TENM3: variants seen among roughly 807,000 people sequenced by gnomAD.
The protein encoded by TENM3 is teneurin transmembrane protein 3.
Under a neutral mutation model 255.1 loss-of-function variants are expected in TENM3, and 63 were observed. That is an observed-to-expected ratio of 0.25 (90% CI 0.20 to 0.30). The LOEUF (loss-of-function observed/expected upper bound fraction) is 0.30. Ranked by LOEUF, TENM3 falls within the 10% of genes least tolerant of loss-of-function variation. TENM3 has a pLI of 1.00. For missense variants in TENM3, 2,929 were observed against 3,461.1 expected (o/e 0.85, Z 3.86); for synonymous variants, 1,306 against 1,322.3 (o/e 0.99, Z 0.27).
chr4:182,783,429 T>C (rs1765347131), intron 24 of TENM3, among the ~76,000 whole-genome samples: 2 of 152,242 alleles, frequency 1.3e-5, no homozygotes, highest in South Asian at 4.1e-4. Flanking sequence ...AGATCCGCTA[T>C]TAGTCTGATG....
intron 3 of TENM3, among the ~76,000 whole-genome samples, chr4:182,590,481 T>G (rs538325125): frequency 7.4e-5 from 8 of 108,842 alleles, no homozygotes; most frequent in African/African-American, 2.9e-4. Context: ...CTACAAACAA[T>G]ACAAAAATTA....
the TENM3 span, among the ~76,000 whole-genome samples, chr4:181,877,751 G>A: frequency 6.6e-6 from 1 of 152,148 alleles, no homozygotes; most frequent in African/African-American, 2.4e-5. Context: ...ACAAAGAAGG[G>A]TGCCAGCCCT....
chr4:182,426,007 C>CAAAAAAAAAAAAAAAAAAAAAAAA lies in TENM3; in HGVS notation c.511+79101_511+79102insAAAAAAAAAAAAAAAAAAAAAAAA, dbSNP rs55836889. Among the ~76,000 whole-genome samples the CAAAAAAAAAAAAAAAAAAAAAAAA allele has an allele frequency of 1.9e-3, 171 of 90,694 alleles. 6 individuals are homozygous for CAAAAAAAAAAAAAAAAAAAAAAAA. Among genetic ancestry groups the CAAAAAAAAAAAAAAAAAAAAAAAA allele is most frequent in the Non-Finnish European group, 2.3e-3 (106 of 45,358 alleles). The allele number at this position is 90,694 out of a possible 152,430, so 59.5% of individuals were successfully genotyped here. On this transcript the variant is annotated intron_variant, in intron 3 of 27. Transcript: ENST00000511685. The stretch of plus-strand genomic sequence containing the variant: ...TAAGAGACAGAGCGAGAGTCCATGT[C>CAAAAAAAAAAAAAAAAAAAAAAAA]AAAAAAAAAAAAAAAAAAAAAAACA...
At chr4:181,608,185 A>C in the TENM3 span, among the ~76,000 whole-genome samples, 1 of 152,218 alleles carries the variant, frequency 6.6e-6, no homozygotes, top group Non-Finnish European at 1.5e-5. Flanking sequence ...CTTGCCTAAG[A>C]GGGAGAGAGC....
At chr4:181,641,520 T>G in the TENM3 span, among the ~76,000 whole-genome samples, 1 of 132,664 alleles carries the variant, frequency 7.5e-6, no homozygotes, top group Non-Finnish European at 1.6e-5. Context: ...AACTCATCCT[T>G]TTTTGTGGCT....
At chr4:182,473,630 G>A (rs549409868) in intron 3 of TENM3, among the ~76,000 whole-genome samples, 20 of 152,176 alleles carry the variant, frequency 1.3e-4, no homozygotes, top group Non-Finnish European at 2.1e-4. Flanking sequence ...CCGAGATCGC[G>A]CCGCTGCACT....
chr4:181,982,414 GA>G, the TENM3 span, among the ~76,000 whole-genome samples: 1 of 152,146 alleles, frequency 6.6e-6, no homozygotes, highest in South Asian at 2.1e-4. Context: ...TATTGAAAAT[GA>G]AGGTAACTTT....
At chr4:182,228,390 GTGTA>G (rs1756337862) in intron 1 of TENM3, among the ~76,000 whole-genome samples, 1 of 86,874 alleles carries the variant, frequency 1.2e-5, no homozygotes, top group African/African-American at 5.1e-5. Flanking sequence ...GTGTGTGTGT[GTGTA>G]TATGTAATCC....
chr4:181,512,524 C>G, the TENM3 span, among the ~76,000 whole-genome samples: 1 of 152,152 alleles, frequency 6.6e-6, no homozygotes, highest in Non-Finnish European at 1.5e-5. Flanking sequence ...AGCTCAGCTC[C>G]AGTTTCCTCC....
the TENM3 span, among the ~76,000 whole-genome samples, chr4:181,620,564 T>C: frequency 1.3e-5 from 2 of 151,242 alleles, no homozygotes; most frequent in Admixed American, 1.3e-4. Context: ...GGAAATGAAC[T>C]CTCAATGTTT....
the TENM3 span, among the ~76,000 whole-genome samples, chr4:181,813,000 AC>A: frequency 6.6e-6 from 1 of 152,092 alleles, no homozygotes; most frequent in Non-Finnish European, 1.5e-5. Context: ...CTTGAAGATA[AC>A]CTCTTAGTGT....
chr4:181,626,345 T>C, the TENM3 span, among the ~76,000 whole-genome samples: 1 of 152,172 alleles, frequency 6.6e-6, no homozygotes, highest in Admixed American at 6.5e-5. Flanking sequence ...ACTGTGTTGG[T>C]CCATTTTTGC....
At chr4:181,605,568 A>AAGAGAGAGAGAG in the TENM3 span, among the ~76,000 whole-genome samples, 34 of 42,202 alleles carry the variant, frequency 8.1e-4, 7 homozygotes, top group African/African-American at 2.8e-3. Context: ...GAAAGAAAGA[A>AAGAGAGAGAGAG]AGAGAGAGAA....
chr4:181,795,671 C>T, the TENM3 span, among the ~76,000 whole-genome samples: 2 of 152,124 alleles, frequency 1.3e-5, no homozygotes, highest in African/African-American at 4.8e-5. Context: ...ATTTTCCCAA[C>T]TGATAACTCA....
chr4:182,579,737 A>AG (rs796677231), intron 3 of TENM3, among the ~76,000 whole-genome samples: 2 of 152,184 alleles, frequency 1.3e-5, no homozygotes, highest in African/African-American at 4.8e-5. Flanking sequence ...ATTAATTTTC[A>AG]GGGATCATAT....
the TENM3 span, among the ~76,000 whole-genome samples, chr4:181,690,289 G>C: frequency 5.9e-5 from 9 of 151,878 alleles, no homozygotes; most frequent in Admixed American, 5.3e-4. Context: ...TTCTCACACA[G>C]GGAGGGTAGA....
the TENM3 span, among the ~76,000 whole-genome samples, chr4:182,117,783 A>C: frequency 6.6e-6 from 1 of 152,268 alleles, no homozygotes; most frequent in East Asian, 1.9e-4. Context: ...TTTTTTCCAT[A>C]TAAACTTTGG....
the TENM3 span, among the ~76,000 whole-genome samples, chr4:181,955,726 G>A: frequency 6.6e-6 from 1 of 152,122 alleles, no homozygotes; most frequent in Admixed American, 6.6e-5. Context: ...CTTAACGAAG[G>A]GCTGCCATGG....
the TENM3 span, among the ~76,000 whole-genome samples, chr4:181,918,331 A>G: frequency 1.3e-5 from 2 of 152,208 alleles, no homozygotes; most frequent in Non-Finnish European, 2.9e-5. Flanking sequence ...TCAACTTGTT[A>G]AGACACTGTT....
Sources: allele counts gnomAD v4.1 joint callset (sites outside exome capture counted in the v4.1 genomes callset), GRCh38; gene constraint gnomAD v4.1.1; transcripts MANE v1.5; gene names NCBI Gene and HGNC (gene_info 2026-07-23, HGNC 2026-07-21).